LRCH1: variants seen among roughly 807,000 people sequenced by gnomAD.
The protein encoded by LRCH1 is leucine rich repeats and calponin homology domain containing 1.
Under a neutral mutation model 94.9 loss-of-function variants are expected in LRCH1, and 23 were observed. That is an observed-to-expected ratio of 0.24 (90% CI 0.17 to 0.34). The LOEUF is 0.34. Ranked by LOEUF, LRCH1 falls within the 10% of genes least tolerant of loss-of-function variation. The pLI is 1.00. For synonymous variants in LRCH1, 364 were observed against 354.9 expected (o/e 1.03, Z -0.29); for missense variants, 790 against 945.9 (o/e 0.84, Z 2.16).
At chr13:46,700,720 A>G (rs898716517) in intron 10 of LRCH1, among the ~76,000 whole-genome samples, 2 of 152,244 alleles carry the variant, frequency 1.3e-5, no homozygotes, top group African/African-American at 2.4e-5. Context: ...CATGAAAGTA[A>G]TAAAACTGGT....
intron 1 of LRCH1, among the ~76,000 whole-genome samples, chr13:46,593,573 T>C (rs771909492): frequency 5.3e-5 from 8 of 152,156 alleles, no homozygotes; most frequent in Non-Finnish European, 8.8e-5. Flanking sequence ...AGTGAGGATA[T>C]GTTTTGAGTA....
At chr13:46,720,068 A>G (rs1186402721) in intron 16 of LRCH1, among the ~76,000 whole-genome samples, 1 of 151,412 alleles carries the variant, frequency 6.6e-6, no homozygotes, top group Non-Finnish European at 1.5e-5. Flanking sequence ...TTTAAGCAGA[A>G]CTTATTTTTT....
chr13:46,599,555 A>C (rs1262133013), intron 1 of LRCH1, among the ~76,000 whole-genome samples: 2 of 152,184 alleles, frequency 1.3e-5, no homozygotes, highest in African/African-American at 4.8e-5. Flanking sequence ...TTATGACTAA[A>C]TAATATTGTT....
intron 1 of LRCH1, among the ~76,000 whole-genome samples, chr13:46,643,695 AT>A (rs34057487): frequency 6.6e-6 from 1 of 151,844 alleles, no homozygotes; most frequent in African/African-American, 2.4e-5. Flanking sequence ...AAACATGCCC[AT>A]TTTTTTTGCA....
chr13:46,563,720 C>A (rs1367085175), intron 1 of LRCH1, among the ~76,000 whole-genome samples: 5 of 152,160 alleles, frequency 3.3e-5, no homozygotes, highest in African/African-American at 1.2e-4. Context: ...CCAAGCAATG[C>A]CTTTCTATTG....
At position 46,741,865 on chromosome 13, in the gene LRCH1, C is replaced by T. The variant is rs2138251705; in HGVS notation, c.*17C>T. 1.2e-6 allele frequency: 2 copies of T among 1,613,302 alleles called. No individual in the cohort carries two copies. The highest frequency in any genetic ancestry group is 1.7e-6 in the Non-Finnish European group (2 of 1,179,988). ...TCCGCATAATGTCTGCACGTGCATCCAAACGCTGTGCTCTGTCGCCCTCAA... is the reference window on the plus strand; with the variant it reads ...TCCGCATAATGTCTGCACGTGCATCTAAACGCTGTGCTCTGTCGCCCTCAA... On this transcript the variant is annotated 3_prime_UTR_variant, in exon 20 of 20. Transcript: ENST00000389797.
chr13:46,692,262 G>A (rs1052369288), intron 7 of LRCH1, among the ~76,000 whole-genome samples: 2 of 152,098 alleles, frequency 1.3e-5, no homozygotes, highest in Admixed American at 6.5e-5. Context: ...GAACACACCC[G>A]TATAACCAGC....
chr13:46,747,271 C>T (rs1257906386), downstream of LRCH1, among the ~76,000 whole-genome samples: 3 of 152,096 alleles, frequency 2.0e-5, no homozygotes, highest in Admixed American at 2.0e-4. Context: ...GTGCCCTTCA[C>T]CTAACTCAGT....
At chr13:46,560,951 G>A (rs2050123544) in intron 1 of LRCH1, among the ~76,000 whole-genome samples, 1 of 152,196 alleles carries the variant, frequency 6.6e-6, no homozygotes, top group African/African-American at 2.4e-5. Flanking sequence ...TGAATAGAAA[G>A]TTGATGAACT....
chr13:46,614,125 G>T (rs916998787), intron 1 of LRCH1, among the ~76,000 whole-genome samples: 10 of 151,342 alleles, frequency 6.6e-5, no homozygotes, highest in Admixed American at 5.3e-4. Flanking sequence ...TTTTTGTGGC[G>T]AGAGTACCTA....
intron 1 of LRCH1, among the ~76,000 whole-genome samples, chr13:46,646,418 C>T (rs1180777281): frequency 2.6e-5 from 4 of 152,194 alleles, no homozygotes; most frequent in Admixed American, 2.0e-4. Flanking sequence ...GTCCTCCTAG[C>T]CAGAGATCCT....
At chr13:46,597,963 A>G (rs1268998640) in intron 1 of LRCH1, among the ~76,000 whole-genome samples, 2 of 152,196 alleles carry the variant, frequency 1.3e-5, no homozygotes, top group African/African-American at 4.8e-5. Context: ...CTTCATAGAC[A>G]GAACTACCAT....
intron 18 of LRCH1, chr13:46,750,474 G>A: frequency 8.8e-7 from 1 of 1,139,438 alleles, no homozygotes; most frequent in Non-Finnish European, 1.3e-6. Flanking sequence ...CATCAACGAT[G>A]TAGCAGGATT....
chr13:46,733,531 C>T (rs780009257), intron 18 of LRCH1, among the ~76,000 whole-genome samples: 1 of 151,848 alleles, frequency 6.6e-6, no homozygotes, highest in African/African-American at 2.4e-5. Flanking sequence ...ACTATATATA[C>T]GTGTGTGTGT....
chr13:46,728,145 T>A (rs765710964), intron 17 of LRCH1, among the ~76,000 whole-genome samples: 1 of 152,134 alleles, frequency 6.6e-6, no homozygotes, highest in African/African-American at 2.4e-5. Context: ...CTCAAACTCC[T>A]GAGCTCAGGC....
intron 1 of LRCH1, among the ~76,000 whole-genome samples, chr13:46,607,130 G>A (rs1388831365): frequency 6.6e-6 from 1 of 152,180 alleles, no homozygotes; most frequent in Non-Finnish European, 1.5e-5. Flanking sequence ...AATGTGGGCT[G>A]GGTAACTGAG....
At chr13:46,717,980 C>A (rs6561326) in intron 16 of LRCH1, among the ~76,000 whole-genome samples, 73,516 of 151,948 alleles carry the variant, frequency 0.48, 20,271 homozygotes, top group African/African-American at 0.76. Context: ...AGGATGTGGA[C>A]GTTTGTCTGT....
In LRCH1 at chr13:46,687,886, A is replaced by G. The variant is rs144480499; in HGVS notation, c.857A>G (p.Tyr286Cys). 6.1e-5 allele frequency: 98 copies of G among 1,612,968 alleles called. No individual in the cohort carries two copies. The highest frequency in any genetic ancestry group is 8.1e-5 in the Non-Finnish European group (96 of 1,179,396). ...CTKGKVHIFK[Y>C]LSIQACQIKT... ...AAGGGCAAAGTTCACATATTTAAGT[A>G]TCTGAGCATACAAGCATGCCAGATT... is the stretch of plus-strand genomic sequence containing the variant. The change falls in exon 6 of 20, where the codon TAT (tyrosine) becomes TGT (cysteine). Residue 286 changes from tyrosine to cysteine, a missense_variant. Tyr to Cys is a radical substitution (Grantham distance 194, BLOSUM62 -2). Around this residue, in one of 3 missense-constraint regions of LRCH1, gnomAD observed 194 missense variants for 293.5 expected, o/e 0.66. Transcript: ENST00000389797.
At chr13:46,723,075 CT>C in intron 16 of LRCH1, 145 bp from the exon 17 acceptor site, 2 of 530,036 alleles carry the variant, frequency 3.8e-6, no homozygotes, top group South Asian at 6.3e-5. Context: ...TTGAGCCAGG[CT>C]TTTCTTGTGG....
Sources: gnomAD v4.1 joint callset for allele counts (sites outside exome capture counted in the v4.1 genomes callset) on GRCh38, gnomAD v4.1.1 for gene constraint, gnomAD v4.1.1 regional missense constraint, MANE v1.5 for transcripts, NCBI Gene and HGNC (gene_info 2026-07-23, HGNC 2026-07-21) for gene names.